TESC: variants seen among roughly 807,000 people sequenced by gnomAD.
TESC encodes calcineurin B homologous protein 3.
In TESC, 19 loss-of-function variants were observed where a neutral mutation model predicts 31.0. The observed-to-expected ratio is 0.61, with a 90% CI of 0.43 to 0.90. The LOEUF is 0.90. Ranked by LOEUF, TESC falls within the 40% of genes least tolerant of loss-of-function variation. The probability of loss-of-function intolerance (pLI) is 0.00; values close to 1 mark genes in which losing one functional copy is unlikely to be tolerated. For missense variants in TESC, 248 were observed against 303.8 expected (o/e 0.82, Z 1.36); for synonymous variants, 109 against 114.8 (o/e 0.95, Z 0.32).
chr12:117,094,092 G>A (rs984393951), intron 1 of TESC, among the ~76,000 whole-genome samples: 2 of 152,152 alleles, frequency 1.3e-5, no homozygotes, highest in Non-Finnish European at 2.9e-5. Flanking sequence ...CCACGGGTGC[G>A]TGGGGAAGGT....
intron 6 of TESC, among the ~76,000 whole-genome samples, chr12:117,043,052 G>T (rs1444172387): frequency 6.6e-6 from 1 of 151,912 alleles, no homozygotes; most frequent in East Asian, 1.9e-4. Context: ...AGCAGATAAA[G>T]AACAAAAAAC....
At chr12:117,076,570 A>T (rs1955077184) in intron 1 of TESC, among the ~76,000 whole-genome samples, 1 of 152,084 alleles carries the variant, frequency 6.6e-6, no homozygotes, top group African/African-American at 2.4e-5. Context: ...CAGCCTCCCA[A>T]GTAGCTGGGA....
intron 1 of TESC, among the ~76,000 whole-genome samples, chr12:117,075,885 A>ATATATATATATATATATGTGTGTGTG (rs1955054476): frequency 2.2e-5 from 1 of 46,258 alleles, no homozygotes; most frequent in Non-Finnish European, 3.9e-5. Context: ...GTATATATAT[A>ATATATATATATATATATGTGTGTGTG]TATATATATA....
At chr12:117,055,299 A>T (rs935251764) in intron 3 of TESC, among the ~76,000 whole-genome samples, 6 of 152,072 alleles carry the variant, frequency 3.9e-5, no homozygotes, top group African/African-American at 1.4e-4. Context: ...ACGCCACCAC[A>T]TCTGGCTAAC....
In TESC at chr12:117,054,585, G is replaced by A. The variant is rs184927458; in HGVS notation, c.209+2221C>T. ...TCTCTCGCCAGGCCTTGCCCCATGG[G>A]CCACAGAGGAAGGCCCCTGCAACTC... On this transcript the variant is annotated intron_variant, in intron 3 of 7. Transcript: ENST00000335209. 4.7e-3 allele frequency among the ~76,000 whole-genome samples: 718 copies of A among 152,194 alleles called. 9 individuals are homozygous for A. Among genetic ancestry groups the A allele is most frequent in the African/African-American group, 0.017 (693 of 41,506 alleles).
At chr12:117,066,199 G>GTTTTTTT (rs1207238840) in intron 2 of TESC, among the ~76,000 whole-genome samples, 1 of 72,610 alleles carries the variant, frequency 1.4e-5, no homozygotes, top group African/African-American at 9.7e-5. Flanking sequence ...CCTTCCTTTA[G>GTTTTTTT]CTTTTTTTTT....
At chr12:117,055,603 C>T (rs1173415210) in intron 3 of TESC, among the ~76,000 whole-genome samples, 1 of 152,218 alleles carries the variant, frequency 6.6e-6, no homozygotes, top group Non-Finnish European at 1.5e-5. Flanking sequence ...AATAGGGTGT[C>T]ACTTCCGAGA....
At chr12:117,044,914 AAGAG>A (rs56056927) in intron 6 of TESC, among the ~76,000 whole-genome samples, 5 of 151,458 alleles carry the variant, frequency 3.3e-5, no homozygotes, top group East Asian at 2.0e-4. Flanking sequence ...AAAGAAAAAA[AAGAG>A]AGAGAGACAG....
chr12:117,046,576 C>T lies in TESC; in HGVS notation c.502G>A (p.Val168Met), dbSNP rs116635547. 625 of 1,550,754 alleles carry T rather than the reference C, an allele frequency of 4.0e-4. 3 individuals are homozygous for T. In the African/African-American group the frequency reaches 7.2e-3, roughly 18 times the overall value. The change falls in exon 6 of 8, where the codon GTG becomes ATG. Residue 168 changes from valine (V) to methionine (M), a missense_variant. By Grantham distance (21) the Val-to-Met change is conservative. Coordinates refer to ENST00000335209, the MANE Select transcript of TESC (RefSeq NM_017899.4). ...GCGCTCACCATCTGCCCCATGCACA[C>T]GCTGGCCGCCTCCATCATGGCCCCG... ...ADGAMMEAAS[V>M]CMGQMEPDQV... is the part of the protein sequence containing the mutation.
intron 1 of TESC, 115 bp downstream of exon 1, chr12:117,099,108 CAG>C: frequency 8.9e-7 from 1 of 1,128,730 alleles, no homozygotes; most frequent in Non-Finnish European, 1.2e-6. Flanking sequence ...GACTGAGGCG[CAG>C]AGAGGGCCCG....
At chr12:117,089,869 CA>C (rs1163434029) in intron 1 of TESC, among the ~76,000 whole-genome samples, 26 of 151,956 alleles carry the variant, frequency 1.7e-4, no homozygotes, top group African/African-American at 6.0e-4. Context: ...TAGAATCAAA[CA>C]ACATAAACCA....
intron 6 of TESC, among the ~76,000 whole-genome samples, chr12:117,045,312 T>C (rs1221172267): frequency 6.6e-6 from 1 of 150,674 alleles, no homozygotes; most frequent in Non-Finnish European, 1.5e-5. Context: ...GCTGCGGGGG[T>C]TTTATGCAGA....
At chr12:117,085,535 C>T (rs1288463119) in intron 1 of TESC, among the ~76,000 whole-genome samples, 1 of 152,196 alleles carries the variant, frequency 6.6e-6, no homozygotes, top group Non-Finnish European at 1.5e-5. Context: ...ACTGGCCCCA[C>T]CAGCTGTGCC....
intron 2 of TESC, among the ~76,000 whole-genome samples, chr12:117,062,083 TTAA>T (rs1250887059): frequency 6.6e-6 from 1 of 152,246 alleles, no homozygotes; most frequent in Middle Eastern, 3.4e-3. Flanking sequence ...TGCAGCAGTA[TTAA>T]TAGTAGTAAT....
chr12:117,049,809 G>A (rs1954621052), intron 3 of TESC, among the ~76,000 whole-genome samples: 1 of 149,674 alleles, frequency 6.7e-6, no homozygotes, highest in African/African-American at 2.5e-5. Context: ...GCTGAGGCGA[G>A]AGAATCGCTT....
At chr12:117,079,236 G>A (rs1356898618) in intron 1 of TESC, among the ~76,000 whole-genome samples, 1 of 152,124 alleles carries the variant, frequency 6.6e-6, no homozygotes, top group Non-Finnish European at 1.5e-5. Context: ...AGAAATTACA[G>A]CTAAACAGGT....
rs534474421 is a variant in TESC at position 117,045,525 on chromosome 12, G to A, written c.519+1034C>T. Among the ~76,000 whole-genome samples, 4 of 152,338 alleles carry A rather than the reference G, an allele frequency of 2.6e-5. No homozygotes were observed. The South Asian group carries it at 8.3e-4, about 32-fold the overall frequency. On this transcript the variant is annotated intron_variant, in intron 6 of 7. Transcript: ENST00000335209. ...TCTCCCGTGGTGGTTAGTCTGCTGA[G>A]TGCGGAGGTTTCACCCAAGCCAGAA...
chr12:117,062,886 C>G (rs1321643630), intron 2 of TESC, among the ~76,000 whole-genome samples: 3 of 152,168 alleles, frequency 2.0e-5, no homozygotes, highest in African/African-American at 7.2e-5. Context: ...GGGCTGACGG[C>G]AGGTCACTGC....
chr12:117,053,466 G>A (rs558126701), intron 3 of TESC, among the ~76,000 whole-genome samples: 3 of 152,146 alleles, frequency 2.0e-5, no homozygotes, highest in Non-Finnish European at 4.4e-5. Flanking sequence ...AGACAGACCC[G>A]AGTTGGAATC....
Sources: allele counts gnomAD v4.1 joint callset (sites outside exome capture counted in the v4.1 genomes callset), GRCh38; gene constraint gnomAD v4.1.1; transcripts MANE v1.5; gene names NCBI Gene and HGNC (gene_info 2026-07-23, HGNC 2026-07-21).